PNISR: variants seen among roughly 807,000 people sequenced by gnomAD.
The protein encoded by PNISR is arginine/serine-rich protein PNISR.
Under a neutral mutation model 93.4 loss-of-function variants are expected in PNISR, and 20 were observed. The ratio of observed to expected loss-of-function variants is 0.21; its 90% CI spans 0.15 to 0.31. The LOEUF (loss-of-function observed/expected upper bound fraction) is 0.31, where lower values mean the gene tolerates loss of function less well. PNISR is among the 10% of genes least tolerant of loss of function. The pLI is 1.00. For synonymous variants in PNISR, 305 were observed against 306.5 expected, an observed-to-expected ratio of 0.99 and a Z score of 0.05; for missense variants, 893 against 985.4, an observed-to-expected ratio of 0.91 and a Z score of 1.25.
intron 6 of PNISR, among the ~76,000 whole-genome samples, chr6:99,408,624 A>C (rs896385422): frequency 1.3e-5 from 2 of 152,250 alleles, no homozygotes; most frequent in African/African-American, 4.8e-5. Flanking sequence ...AAGATTTATT[A>C]ACAAATGCTC....
At position 99,401,567 on chromosome 6, in the gene PNISR, T is replaced by C; in HGVS notation, c.1391A>G (p.Asn464Ser). Residue 464 changes from asparagine (N) to serine (S), a missense_variant, in exon 12 of 12, where the codon AAT (asparagine) becomes AGT (serine). This residue lies in a region of PNISR where 866 missense variants were observed against 935.1 expected (regional missense o/e 0.93). Transcript: ENST00000369239. ...TCTTGCTTCTAGTAGTGATAAACTA[T>C]TTTGCTCTTTATGGATAAATTCATT... ...EMNEFIHKEQ[N>S]SLSLLEAREA... 2 of 1,592,120 alleles carry C rather than the reference T, an allele frequency of 1.3e-6. No homozygotes were observed. The highest frequency in any genetic ancestry group is 1.7e-6 in the Non-Finnish European group (2 of 1,174,242).
rs2128479255 is a variant in PNISR at position 99,402,526 on chromosome 6, A to G, written c.1327+14T>C. ...AAAACTGGACCAAAATTAAGTCTAA[A>G]AGGTATACTACACCTTCCATCTGTT... On this transcript the variant is annotated intron_variant, in intron 11 of 11. Coordinates refer to ENST00000369239, the MANE Select transcript of PNISR (RefSeq NM_032870.4). 1.3e-6 allele frequency: 2 copies of G among 1,547,246 alleles called. No individual in the cohort carries two copies. The highest frequency in any genetic ancestry group is 4.5e-5 in the East Asian group (2 of 44,188).
chr6:99,414,401 C>A (rs561514810), intron 3 of PNISR, among the ~76,000 whole-genome samples, 171 bp downstream of exon 3: 1 of 152,268 alleles, frequency 6.6e-6, no homozygotes, highest in Admixed American at 6.5e-5. Flanking sequence ...AAGGGAAGTC[C>A]ATTTCCTGCT....
At chr6:99,403,960 G>T in intron 9 of PNISR, 78 bp from the exon 10 acceptor site, 1 of 972,630 alleles carries the variant, frequency 1.0e-6, no homozygotes, top group Non-Finnish European at 1.6e-6. Context: ...CTATGGTATT[G>T]TTAAATCTAC....
At chr6:99,422,157 C>CGT (rs1778651126) in intron 1 of PNISR, among the ~76,000 whole-genome samples, 1 of 152,084 alleles carries the variant, frequency 6.6e-6, no homozygotes, top group Non-Finnish European at 1.5e-5. Flanking sequence ...TGAGCCACCC[C>CGT]GTGTGGCCAA....
intron 11 of PNISR, among the ~76,000 whole-genome samples, chr6:99,401,837 ATCATT>A (rs1379584368): frequency 6.6e-6 from 1 of 152,250 alleles, no homozygotes; most frequent in Non-Finnish European, 1.5e-5. Flanking sequence ...CAAAAATATT[ATCATT>A]TCAACACATA....
At chr6:99,418,447 TA>T (rs35015605) in intron 1 of PNISR, among the ~76,000 whole-genome samples, 59,839 of 144,092 alleles carry the variant, frequency 0.42, 12,068 homozygotes, top group East Asian at 0.48. Flanking sequence ...AAGCTTTTAT[TA>T]AAAAAAAAAA....
chr6:99,408,567 A>T (rs1196516996), intron 6 of PNISR, among the ~76,000 whole-genome samples: 1 of 152,202 alleles, frequency 6.6e-6, no homozygotes, highest in East Asian at 1.9e-4. Context: ...TTTGCTAGTA[A>T]GTTAAAAAAG....
In PNISR at chr6:99,412,582, C is replaced by A. The variant is rs1244183294; in HGVS notation, c.246G>T (p.Gly82=). The part of the protein sequence containing the change: ...SGPNNHGNFQ[G]DSNFNRMWQP... ...GCCACATTCTGTTGAAGTTTGAATC[C>A]CCTTGGAAATTCCCATGATTGTTTG... Residue 82 remains glycine, a synonymous_variant, in exon 4 of 12, where the codon GGG becomes GGT. Coordinates refer to ENST00000369239, the MANE Select transcript of PNISR (RefSeq NM_032870.4). 6.2e-7 allele frequency: 1 copy of A among 1,602,290 alleles called. No homozygotes were observed. Among genetic ancestry groups the A allele is most frequent in the African/African-American group, 1.3e-5 (1 of 74,250 alleles).
chr6:99,400,423 ATTAT>A lies in PNISR; in HGVS notation c.*113_*116del. 7.3e-7 allele frequency: 1 copy of A among 1,362,714 alleles called. No homozygotes were observed. Among genetic ancestry groups the A allele is most frequent in the Non-Finnish European group, 9.6e-7 (1 of 1,042,998 alleles). The allele number at this position is 1,362,714 out of a possible 1,614,324, so 84.4% of individuals were successfully genotyped here. A position where few individuals can be genotyped will look rare whatever the true frequency, so the allele number is the denominator to read the frequency against. On this transcript the variant is annotated 3_prime_UTR_variant, in exon 12 of 12. Transcript: ENST00000369239. ...AGGATTTCTAACATTTAAGACTATG[ATTAT>A]TTATCAAGTACCAAACTGAGTTTAT...
chr6:99,407,184 G>A (rs1274043635), intron 7 of PNISR, among the ~76,000 whole-genome samples: 1 of 151,906 alleles, frequency 6.6e-6, no homozygotes, highest in African/African-American at 2.4e-5. Flanking sequence ...GGTGGGAGTC[G>A]TGGTGTGCGC....
intron 10 of PNISR, 83 bp from the exon 11 acceptor site, chr6:99,402,793 A>C: frequency 9.6e-7 from 1 of 1,043,824 alleles, no homozygotes. Flanking sequence ...AAGAAAGTTC[A>C]TTTCTTTTTT....
chr6:99,422,400 TTGAC>T (rs1442506810), intron 1 of PNISR, among the ~76,000 whole-genome samples: 1 of 152,102 alleles, frequency 6.6e-6, no homozygotes, highest in Non-Finnish European at 1.5e-5. Flanking sequence ...CTTACATGAG[TTGAC>T]TGACCTCAAA....
intron 9 of PNISR, 138 bp downstream of exon 9, chr6:99,404,465 A>T (rs775785531): frequency 1.4e-6 from 1 of 697,882 alleles, no homozygotes; most frequent in Admixed American, 2.0e-5. Context: ...CTACGAATCT[A>T]ATCTTTAAGA....
intron 1 of PNISR, among the ~76,000 whole-genome samples, chr6:99,418,294 A>C (rs963705519): frequency 6.6e-6 from 1 of 151,522 alleles, no homozygotes; most frequent in African/African-American, 2.4e-5. Flanking sequence ...CTCGCCACCA[A>C]GCCTGGCTAA....
At position 99,413,275 on chromosome 6, in the gene PNISR, C is replaced by G. The variant is rs535542010; in HGVS notation, c.89-536G>C. On this transcript the variant is annotated intron_variant, in intron 3 of 11. Coordinates refer to ENST00000369239, the MANE Select transcript of PNISR (RefSeq NM_032870.4). ...GCTCCCTTCTCTAGCCAAAACATGA[C>G]TAGTGTAGTCTGGCTACAACTTCTT... Among the ~76,000 whole-genome samples, 10 of 152,294 alleles carry G rather than the reference C, an allele frequency of 6.6e-5. No homozygotes were observed. In the South Asian group the frequency reaches 1.9e-3, roughly 28 times the overall value.
At chr6:99,401,703 C>T in intron 11 of PNISR, 73 bp from the exon 12 acceptor site, 1 of 1,210,520 alleles carries the variant, frequency 8.3e-7, no homozygotes. Context: ...TGTCAAGCTA[C>T]CAGACTGTAA....
intron 1 of PNISR, among the ~76,000 whole-genome samples, chr6:99,422,899 A>AAC (rs58927348): frequency 1.1e-4 from 16 of 145,498 alleles, no homozygotes; most frequent in African/African-American, 4.0e-4. Context: ...AAAAAAAAAA[A>AAC]CTGGAGAATT....
intron 9 of PNISR, chr6:99,404,320 A>T (rs1482881686): frequency 1.2e-5 from 5 of 427,596 alleles, no homozygotes; most frequent in African/African-American, 2.0e-5. Flanking sequence ...GTTATCTATT[A>T]AAAAAAATCA....
Sources: allele counts gnomAD v4.1 joint callset (sites outside exome capture counted in the v4.1 genomes callset), GRCh38; gene constraint gnomAD v4.1.1; regional missense constraint gnomAD v4.1.1; transcripts MANE v1.5; gene names NCBI Gene and HGNC (gene_info 2026-07-23, HGNC 2026-07-21).